FAF2: variants seen among roughly 807,000 people sequenced by gnomAD.
FAF2 encodes Fas associated factor family member 2, also known as FAS-associated factor 2.
In FAF2, 9 loss-of-function variants were observed where a neutral mutation model predicts 62.3. The ratio of observed to expected loss-of-function variants is 0.14; its 90% CI spans 0.09 to 0.25. The LOEUF is 0.25. Among genes scored for constraint, FAF2 ranks in the 10% least tolerant of loss-of-function variants. The pLI, the probability that FAF2 is intolerant of heterozygous loss-of-function variation, is 1.00. For synonymous variants in FAF2, 202 were observed against 198.0 expected (o/e 1.02, Z -0.17); for missense variants, 368 against 556.2 (o/e 0.66, Z 3.40).
intron 10 of FAF2, among the ~76,000 whole-genome samples, chr5:176,503,110 C>A (rs1581077499): frequency 6.6e-6 from 1 of 151,998 alleles, no homozygotes; most frequent in South Asian, 2.1e-4. Flanking sequence ...TGAGATTAGT[C>A]TAAGAGAAAT....
At chr5:176,501,468 C>T (rs1399082436) in intron 10 of FAF2, among the ~76,000 whole-genome samples, 1 of 152,164 alleles carries the variant, frequency 6.6e-6, no homozygotes, top group Non-Finnish European at 1.5e-5. Context: ...TCTACAGGGC[C>T]TCAGATTTCC....
Position 176,506,846 on chromosome 5 carries a change from C to T in FAF2, c.1234C>T (p.Leu412=). Residue 412 remains leucine, a synonymous_variant, in exon 11 of 11, where the codon CTG becomes TTG. Coordinates refer to ENST00000261942, the MANE Select transcript of FAF2 (RefSeq NM_014613.3). ...QIEANFPRRV[L]PCIPSEEWPN... ...TGAAGCCAATTTTCCCAGGCGAGTG[C>T]TGCCCTGCATCCCTTCAGAGGAGTG... The T allele has an allele frequency of 6.2e-7, 1 of 1,614,062 alleles. No homozygotes were observed. Among genetic ancestry groups the T allele is most frequent in the Non-Finnish European group, 8.5e-7 (1 of 1,179,996 alleles).
intron 1 of FAF2, among the ~76,000 whole-genome samples, chr5:176,465,137 C>T (rs1365177704): frequency 2.6e-5 from 4 of 151,914 alleles, no homozygotes. Context: ...GTGATCTGGC[C>T]GCTTCAGCCT....
chr5:176,497,825 A>G (rs1376792032), intron 8 of FAF2, among the ~76,000 whole-genome samples: 1 of 152,174 alleles, frequency 6.6e-6, no homozygotes, highest in Non-Finnish European at 1.5e-5. Flanking sequence ...GTTTTTAATA[A>G]CATGGGGACA....
intron 10 of FAF2, among the ~76,000 whole-genome samples, chr5:176,501,937 A>G (rs1425178938): frequency 6.6e-6 from 1 of 152,030 alleles, no homozygotes; most frequent in African/African-American, 2.4e-5. Flanking sequence ...TATTTTTTTT[A>G]GTAGAGATGG....
rs202046750 is a variant in FAF2, at chr5:176,506,205, A to C, written c.1156-563A>C. Among the ~76,000 whole-genome samples, 14 of 114,104 alleles carry C rather than the reference A, an allele frequency of 1.2e-4. No homozygotes were observed. The East Asian group carries it at 2.2e-3, about 18-fold the overall frequency. The allele number at this position is 114,104 out of a possible 152,430, so 74.9% of individuals were successfully genotyped here. On this transcript the variant is annotated intron_variant, in intron 10 of 10. Coordinates refer to ENST00000261942, the MANE Select transcript of FAF2 (RefSeq NM_014613.3). ...GCGAGACTCTCTCAAAAAAAAAAAA[A>C]ACAAAAAAAAAAAACTGGATCCCTT...
At chr5:176,457,564 C>T (rs1013591327) in intron 1 of FAF2, among the ~76,000 whole-genome samples, 3 of 151,940 alleles carry the variant, frequency 2.0e-5, no homozygotes, top group Non-Finnish European at 2.9e-5. Context: ...TTCTAGTTGT[C>T]GTTTCTCCAA....
intron 10 of FAF2, among the ~76,000 whole-genome samples, chr5:176,501,080 T>G (rs572729374): frequency 6.6e-6 from 1 of 151,960 alleles, no homozygotes; most frequent in South Asian, 2.1e-4. Context: ...TGAGCCAAGA[T>G]TGCAGCACTG....
intron 10 of FAF2, among the ~76,000 whole-genome samples, chr5:176,506,238 A>G (rs1755683243): frequency 6.6e-6 from 1 of 151,420 alleles, no homozygotes; most frequent in Non-Finnish European, 1.5e-5. Context: ...CTTTGCTATT[A>G]TATAAAAGAT....
At chr5:176,486,521 T>C in intron 3 of FAF2, 32 bp downstream of exon 3, 2 of 1,611,264 alleles carry the variant, frequency 1.2e-6, no homozygotes, top group Non-Finnish European at 1.7e-6. Flanking sequence ...ATTTCCCCCT[T>C]TTTTATTTAT....
At chr5:176,472,253 TCTC>T (rs1758584375) in intron 1 of FAF2, among the ~76,000 whole-genome samples, 1 of 152,000 alleles carries the variant, frequency 6.6e-6, no homozygotes, top group South Asian at 2.1e-4. Flanking sequence ...TTCAAGCGAT[TCTC>T]CTGCCTCAGC....
intron 1 of FAF2, among the ~76,000 whole-genome samples, chr5:176,466,469 T>C (rs1373243655): frequency 6.6e-6 from 1 of 152,166 alleles, no homozygotes; most frequent in Non-Finnish European, 1.5e-5. Context: ...CCGTGCAGCG[T>C]TTGTTAGTAT....
chr5:176,500,568 AATAT>A (rs753512542), intron 10 of FAF2, among the ~76,000 whole-genome samples: 4 of 152,156 alleles, frequency 2.6e-5, no homozygotes, highest in Non-Finnish European at 5.9e-5. Flanking sequence ...GACATATCTG[AATAT>A]AAGTGCACTT....
In FAF2 at chr5:176,468,508, C is replaced by T. The variant is rs903245225; in HGVS notation, c.64-10680C>T. 6.6e-4 allele frequency among the ~76,000 whole-genome samples: 101 copies of T among 152,196 alleles called. 1 individual carries two copies. Among genetic ancestry groups the T allele is most frequent in the African/African-American group, 2.3e-3 (95 of 41,540 alleles). ...CTGAGGCAGGAGAATGGTGTGAACC[C>T]GGGAGGCGCAGCTTGCAGTGAGCCG... On this transcript the variant is annotated intron_variant, in intron 1 of 10. Coordinates refer to ENST00000261942, the MANE Select transcript of FAF2 (RefSeq NM_014613.3).
chr5:176,479,323 T>C, intron 2 of FAF2, 67 bp downstream of exon 2: 2 of 1,263,090 alleles, frequency 1.6e-6, no homozygotes, highest in Non-Finnish European at 2.3e-6. Flanking sequence ...AAACCGTATG[T>C]TTTTCCATAG....
intron 2 of FAF2, among the ~76,000 whole-genome samples, chr5:176,485,868 ACCTGAGGC>A (rs1758866787): frequency 6.6e-6 from 1 of 152,128 alleles, no homozygotes; most frequent in South Asian, 2.1e-4. Flanking sequence ...ACCGCGCCTG[ACCTGAGGC>A]TCATACATTG....
chr5:176,451,775 CG>C (rs1758174764), intron 1 of FAF2, among the ~76,000 whole-genome samples: 1 of 88,306 alleles, frequency 1.1e-5, no homozygotes, highest in Admixed American at 1.5e-4. Context: ...CATATATATA[CG>C]TGTGTGTGTG....
chr5:176,473,922 A>G (rs988221649), intron 1 of FAF2, among the ~76,000 whole-genome samples: 1 of 152,144 alleles, frequency 6.6e-6, no homozygotes, highest in Non-Finnish European at 1.5e-5. Context: ...CCTTTTGACC[A>G]CAAGATTCTC....
At chr5:176,502,973 G>A (rs752335487) in intron 10 of FAF2, among the ~76,000 whole-genome samples, 22 of 151,484 alleles carry the variant, frequency 1.5e-4, no homozygotes, top group Non-Finnish European at 2.8e-4. Flanking sequence ...GCTTGAACCC[G>A]GGAGGCAGTG....
Sources: allele counts gnomAD v4.1 joint callset (sites outside exome capture counted in the v4.1 genomes callset), GRCh38; gene constraint gnomAD v4.1.1; transcripts MANE v1.5; gene names NCBI Gene and HGNC (gene_info 2026-07-23, HGNC 2026-07-21).